TNS1: variants seen among roughly 807,000 people sequenced by gnomAD.
TNS1 encodes the protein tensin-1.
TNS1 carries 62 observed loss-of-function variants against 168.6 expected under a neutral mutation model. The observed-to-expected ratio is 0.37, with a 90% CI of 0.30 to 0.45. The LOEUF is 0.45. Ranked by LOEUF, TNS1 falls within the 20% of genes least tolerant of loss-of-function variation. The pLI, the probability that TNS1 is intolerant of heterozygous loss-of-function variation, is 1.00. For synonymous variants in TNS1, 934 were observed against 933.2 expected (o/e 1.00, Z -0.02); for missense variants, 2,240 against 2,339.4 (o/e 0.96, Z 0.88).
rs1013828185 is a variant in TNS1 at position 218,010,369 on chromosome 2, C to G, written c.-174G>C. The G allele has an allele frequency of 2.3e-5, 9 of 393,816 alleles. No individual in the cohort carries two copies. The Admixed American group carries it at 3.5e-4, about 16-fold the overall frequency. 24.4% of individuals were successfully genotyped at this position (393,816 alleles called of 1,614,324 possible). ...GGAGCAGCCCGTGTCCTGCTGCCCC[C>G]TCTAGCGGGAGGAGCGGCGCGGGAG... On this transcript the variant is annotated 5_prime_UTR_variant, in exon 1 of 33. Transcript: ENST00000646520.
chr2:217,901,747 C>CTAG (rs1953009349), intron 6 of TNS1: 1 of 152,260 alleles, frequency 6.6e-6, no homozygotes, highest in Admixed American at 6.5e-5. Context: ...AGGCAGGATT[C>CTAG]ACACTCCAAC....
At chr2:217,828,350 G>A (rs961408209) in intron 22 of TNS1, among the ~76,000 whole-genome samples, 2 of 152,234 alleles carry the variant, frequency 1.3e-5, no homozygotes, top group African/African-American at 4.8e-5. Flanking sequence ...AGATTTAGAG[G>A]AGCACAGGCC....
chr2:217,876,375 G>A (rs1950205531), intron 18 of TNS1, among the ~76,000 whole-genome samples: 1 of 152,210 alleles, frequency 6.6e-6, no homozygotes, highest in East Asian at 1.9e-4. Flanking sequence ...AGTTGCTAAT[G>A]GGGTTTCTGG....
At chr2:217,961,067 C>T (rs1054948119) in intron 3 of TNS1, among the ~76,000 whole-genome samples, 1 of 152,014 alleles carries the variant, frequency 6.6e-6, no homozygotes, top group Non-Finnish European at 1.5e-5. Flanking sequence ...TTCCATGTCT[C>T]CCTCCCAAAT....
chr2:217,888,777 T>C (rs1951463227), intron 12 of TNS1, among the ~76,000 whole-genome samples: 1 of 152,232 alleles, frequency 6.6e-6, no homozygotes, highest in Admixed American at 6.5e-5. Flanking sequence ...CACGTGGAAC[T>C]GTGAGTCCAT....
intron 4 of TNS1, among the ~76,000 whole-genome samples, chr2:217,914,677 G>A (rs1954808081): frequency 6.6e-6 from 1 of 152,112 alleles, no homozygotes; most frequent in Non-Finnish European, 1.5e-5. Flanking sequence ...GTAGAGACGG[G>A]GTTTCACCAT....
chr2:218,016,988 C>A (rs1488120549), intron 1 of TNS1, among the ~76,000 whole-genome samples: 1 of 152,140 alleles, frequency 6.6e-6, no homozygotes, highest in African/African-American at 2.4e-5. Context: ...GCTGGCCAGC[C>A]AGGGAAACTG....
chr2:217,995,045 T>C lies in TNS1; in HGVS notation c.34-3989A>G, dbSNP rs903949941. 6.6e-6 allele frequency among the ~76,000 whole-genome samples: 1 copy of C among 151,998 alleles called. No individual in the cohort carries two copies. Among genetic ancestry groups the C allele is most frequent in the Non-Finnish European group, 1.5e-5 (1 of 67,974 alleles). ...AAATGACACAACATTCCCTTTGGAA[T>C]GAAGGGACTGAAAGTGATGGGGGTG... On this transcript the variant is annotated intron_variant, in intron 1 of 32. Transcript: ENST00000682258. This position sits in a 1 kb window ranked among gnomAD's most constrained non-coding sequence, Gnocchi z 4.1.
intron 3 of TNS1, among the ~76,000 whole-genome samples, chr2:217,972,428 C>G (rs1216822808): frequency 6.6e-6 from 1 of 152,228 alleles, no homozygotes; most frequent in Admixed American, 6.5e-5. Context: ...GTTTACAAGA[C>G]TAGCAGGAAA....
chr2:217,981,918 T>C lies in TNS1; in HGVS notation c.149-3116A>G. Among the ~76,000 whole-genome samples the C allele has an allele frequency of 1.3e-5, 2 of 152,228 alleles. 1 individual carries two copies. The highest frequency in any genetic ancestry group is 2.9e-5 in the Non-Finnish European group (2 of 68,038). On this transcript the variant is annotated intron_variant, in intron 2 of 32. Transcript: ENST00000682258. The stretch of plus-strand genomic sequence containing the variant: ...AAACTGTGGCAACCAGCCTTGCAGG[T>C]AGCTGCCAATATTTCTTGCCTCTGC...
intron 3 of TNS1, among the ~76,000 whole-genome samples, chr2:217,970,584 C>A (rs76292718): frequency 0.015 from 2,277 of 152,268 alleles, 68 homozygotes; most frequent in African/African-American, 0.05. Flanking sequence ...GGAGCTACAG[C>A]ATAGATGTAC....
At chr2:218,031,636 T>C (rs920720468) in intron 1 of TNS1, among the ~76,000 whole-genome samples, 2 of 152,166 alleles carry the variant, frequency 1.3e-5, no homozygotes, top group African/African-American at 4.8e-5. Context: ...GGGATCTGTG[T>C]CCTCAAAAGG....
At chr2:217,974,804 T>C (rs930039788) in intron 3 of TNS1, among the ~76,000 whole-genome samples, 1 of 152,166 alleles carries the variant, frequency 6.6e-6, no homozygotes, top group Non-Finnish European at 1.5e-5. Flanking sequence ...TCCCGTACCC[T>C]GCCCTTCCCA....
chr2:217,885,935 GTCCTT>G, intron 14 of TNS1, 104 bp downstream of exon 14: 7 of 1,554,142 alleles, frequency 4.5e-6, no homozygotes, highest in Non-Finnish European at 6.2e-6. Context: ...CTCTGACTCT[GTCCTT>G]TCAGCCCTCT....
intron 22 of TNS1, among the ~76,000 whole-genome samples, chr2:217,824,244 A>C (rs1943293755): frequency 6.6e-6 from 1 of 152,164 alleles, no homozygotes; most frequent in Admixed American, 6.6e-5. Flanking sequence ...CTATCTCCTC[A>C]GCCCAGAGAG....
At position 217,848,782 on chromosome 2, in the gene TNS1, G is replaced by T; in HGVS notation, c.1735C>A (p.Gln579Lys). The change falls in exon 19 of 33, where the codon CAA becomes AAA. Residue 579 changes from glutamine to lysine, a missense_variant. Physicochemically the swap from Gln to Lys is moderately conservative, Grantham distance 53. Coordinates refer to ENST00000682258, the MANE Select transcript of TNS1 (RefSeq NM_001387777.1). ...LSGFGLEREK[Q>K]GAMYHTQHLR... is the part of the protein sequence containing the mutation. ...TGCTGGGTGTGGTACATGGCGCCTTGCTTCTCTCGCTCTAAGCCAAAGCCA... is the reference window on the plus strand; with the variant it reads ...TGCTGGGTGTGGTACATGGCGCCTTTCTTCTCTCGCTCTAAGCCAAAGCCA... 6.2e-7 allele frequency: 1 copy of T among 1,614,142 alleles called. No homozygotes were observed. Among genetic ancestry groups the T allele is most frequent in the East Asian group, 2.2e-5 (1 of 44,884 alleles).
chr2:217,938,821 G>A (rs936439221), intron 3 of TNS1, among the ~76,000 whole-genome samples: 1 of 152,182 alleles, frequency 6.6e-6, no homozygotes, highest in Non-Finnish European at 1.5e-5. Flanking sequence ...TGGGCTCCCT[G>A]AACAGACAAG....
chr2:217,848,595 A>G lies in TNS1; in HGVS notation c.1922T>C (p.Met641Thr). 1 of 1,614,154 alleles carries G rather than the reference A, an allele frequency of 6.2e-7. No homozygotes were observed. Among genetic ancestry groups the G allele is most frequent in the Admixed American group, 1.7e-5 (1 of 60,020 alleles). Residue 641 changes from methionine to threonine, a missense_variant, in exon 19 of 33, where the codon ATG becomes ACG. By Grantham distance (81) the Met-to-Thr change is moderately conservative (BLOSUM62 -1). Transcript: ENST00000682258. ...PNQDGHSAGS[M>T]GTLSSLDGVT... is the part of the protein sequence containing the mutation. ...CCCGTCCAGAGAAGAGAGTGTGCCC[A>G]TGCTGCCCGCACTGTGACCATCCTG...
Position 217,848,141 on chromosome 2 carries a change from C to T in TNS1, c.2376G>A (p.Gln792=). 6.3e-7 allele frequency: 1 copy of T among 1,598,530 alleles called. No individual in the cohort carries two copies. Among genetic ancestry groups the T allele is most frequent in the South Asian group, 1.1e-5 (1 of 87,686 alleles). The change falls in exon 19 of 33, where the codon CAG becomes CAA. Residue 792 remains glutamine (Q), a synonymous_variant. Transcript: ENST00000682258. ...QQQPRPPPRQ[Q]ERAHLESLVA... is the part of the protein sequence containing the mutation. ...CAAGACTCTCCAAGTGGGCTCTTTC[C>T]TGCTGGCGTGGAGGTGGGCGAGGCT... is the stretch of plus-strand genomic sequence containing the variant.
Sources: gnomAD v4.1 joint callset for allele counts (sites outside exome capture counted in the v4.1 genomes callset) on GRCh38, gnomAD v4.1.1 for gene constraint, Gnocchi (gnomAD v3.1) non-coding constraint, MANE v1.5 for transcripts, NCBI Gene and HGNC (gene_info 2026-07-23, HGNC 2026-07-21) for gene names.